FOXP1: variants seen among roughly 807,000 people sequenced by gnomAD.
The protein encoded by FOXP1 is forkhead box protein P1.
FOXP1 carries 15 observed loss-of-function variants against 98.2 expected under a neutral mutation model. That is an observed-to-expected ratio of 0.15 (90% CI 0.10 to 0.24). The LOEUF is 0.24. Ranked by LOEUF, FOXP1 falls within the 10% of genes least tolerant of loss-of-function variation. FOXP1 has a pLI of 1.00. For synonymous variants in FOXP1, 371 were observed against 314.5 expected (o/e 1.18, Z -1.90); for missense variants, 633 against 848.5 (o/e 0.75, Z 3.15).
intron 11 of FOXP1, among the ~76,000 whole-genome samples, chr3:71,034,031 G>C (rs1429026765): frequency 6.6e-6 from 1 of 151,986 alleles, no homozygotes; most frequent in Non-Finnish European, 1.5e-5. Context: ...AGCCACACCT[G>C]GTCCTCTTTC....
intron 4 of FOXP1, chr3:71,335,104 T>A (rs1234123387): frequency 1.3e-5 from 2 of 151,788 alleles, no homozygotes; most frequent in Non-Finnish European, 2.9e-5. Context: ...TACAAAAAAA[T>A]TAAATTAAAT....
At position 71,312,633 on chromosome 3, in the gene FOXP1, G is replaced by A. The variant is rs2074772946; in HGVS notation, c.-72-12753C>T. 2.6e-5 allele frequency among the ~76,000 whole-genome samples: 4 copies of A among 152,254 alleles called. No individual in the cohort carries two copies. In the South Asian group the frequency reaches 8.3e-4, roughly 31 times the overall value. On this transcript the variant is annotated intron_variant, in intron 4 of 20. Transcript: ENST00000649528. ...GAGCCCAGGAATTCAAGGCTGCAGT[G>A]AGCTAGCATGGTGCTGCCGCACAAT...
chr3:71,236,992 G>T (rs1446434250), intron 5 of FOXP1, among the ~76,000 whole-genome samples: 1 of 151,716 alleles, frequency 6.6e-6, no homozygotes, highest in African/African-American at 2.4e-5. Flanking sequence ...CCAGCACTTT[G>T]AAAGGCCGAG....
intron 5 of FOXP1, among the ~76,000 whole-genome samples, chr3:71,226,845 T>C (rs532879239): frequency 5.3e-5 from 8 of 152,240 alleles, no homozygotes; most frequent in East Asian, 1.9e-4. Context: ...CTAAGTGCGC[T>C]GTTCACCGGC....
intron 14 of FOXP1, among the ~76,000 whole-genome samples, chr3:70,981,480 A>T (rs1051208823): frequency 2.0e-5 from 3 of 152,216 alleles, no homozygotes; most frequent in Non-Finnish European, 4.4e-5. Flanking sequence ...TCTAATTAGG[A>T]GACGCGGATG....
At chr3:71,455,519 G>A (rs2087395220) in intron 3 of FOXP1, among the ~76,000 whole-genome samples, 1 of 152,126 alleles carries the variant, frequency 6.6e-6, no homozygotes, top group Admixed American at 6.6e-5. Flanking sequence ...GACTGCTTTT[G>A]ATACAAACTG....
chr3:71,403,507 C>T (rs1027395815), intron 3 of FOXP1, among the ~76,000 whole-genome samples: 1 of 152,208 alleles, frequency 6.6e-6, no homozygotes, highest in Admixed American at 6.5e-5. Context: ...CGTGCATGCA[C>T]GCGTGCCTCA....
chr3:71,083,913 A>G (rs1264874810), intron 7 of FOXP1, among the ~76,000 whole-genome samples: 2 of 152,192 alleles, frequency 1.3e-5, no homozygotes, highest in Non-Finnish European at 2.9e-5. Context: ...TCCTTCCACA[A>G]GAAGATTAGG....
chr3:71,241,348 C>T (rs879910562), intron 5 of FOXP1, among the ~76,000 whole-genome samples: 3 of 152,086 alleles, frequency 2.0e-5, no homozygotes, highest in Non-Finnish European at 4.4e-5. Context: ...GGGGGAAAAG[C>T]CATCATTTTA....
intron 6 of FOXP1, among the ~76,000 whole-genome samples, chr3:71,134,145 ATCTTGTT>A (rs1416477627): frequency 6.6e-6 from 1 of 152,190 alleles, no homozygotes; most frequent in Non-Finnish European, 1.5e-5. Flanking sequence ...GGCTTTCAGT[ATCTTGTT>A]TCTTTGTTGC....
chr3:71,514,089 A>G (rs910303190), intron 2 of FOXP1, among the ~76,000 whole-genome samples: 4 of 152,226 alleles, frequency 2.6e-5, no homozygotes, highest in African/African-American at 7.2e-5. Context: ...TGACAAAGGC[A>G]AGTCCTTTAA....
intron 2 of FOXP1, among the ~76,000 whole-genome samples, chr3:71,526,803 A>C (rs1456936025): frequency 6.6e-6 from 1 of 152,098 alleles, no homozygotes; most frequent in African/African-American, 2.4e-5. Context: ...CCCCATCTCT[A>C]CTAAAAATAC....
intron 5 of FOXP1, among the ~76,000 whole-genome samples, chr3:71,263,383 G>T (rs2069344574): frequency 1.3e-5 from 2 of 152,210 alleles, no homozygotes; most frequent in Non-Finnish European, 2.9e-5. Context: ...GGGGAATTGG[G>T]TTTTTATTGT....
chr3:71,338,602 G>C (rs575449362), intron 4 of FOXP1, among the ~76,000 whole-genome samples: 1 of 152,058 alleles, frequency 6.6e-6, no homozygotes, highest in Non-Finnish European at 1.5e-5. Context: ...TAATTTTTTT[G>C]TATTTTTCGT....
At chr3:71,395,753 C>T (rs2081333755) in intron 3 of FOXP1, among the ~76,000 whole-genome samples, 1 of 152,056 alleles carries the variant, frequency 6.6e-6, no homozygotes, top group African/African-American at 2.4e-5. Flanking sequence ...TAAATAATTG[C>T]TAAATGAATG....
At chr3:71,309,388 C>CTT (rs2074530713) in intron 4 of FOXP1, among the ~76,000 whole-genome samples, 1 of 145,056 alleles carries the variant, frequency 6.9e-6, no homozygotes. Context: ...AAGTTTATAA[C>CTT]GTAATTTTTT....
At chr3:71,125,204 G>A (rs1007527728) in intron 6 of FOXP1, among the ~76,000 whole-genome samples, 1 of 152,148 alleles carries the variant, frequency 6.6e-6, no homozygotes, top group Admixed American at 6.5e-5. Flanking sequence ...TGAAGAAAAT[G>A]GTAACTAACA....
chr3:71,177,448 G>A (rs2062007798), intron 6 of FOXP1, among the ~76,000 whole-genome samples: 1 of 152,178 alleles, frequency 6.6e-6, no homozygotes, highest in African/African-American at 2.4e-5. Flanking sequence ...GAAACTCAAT[G>A]GGGAAGGAGA....
chr3:71,374,652 A>C (rs753216146), intron 3 of FOXP1, among the ~76,000 whole-genome samples: 3 of 152,148 alleles, frequency 2.0e-5, no homozygotes, highest in Admixed American at 6.5e-5. Flanking sequence ...GAGTATATGA[A>C]CCCCAAAGCT....
Sources: gnomAD v4.1 joint callset for allele counts (sites outside exome capture counted in the v4.1 genomes callset) on GRCh38, gnomAD v4.1.1 for gene constraint, MANE v1.5 for transcripts, NCBI Gene and HGNC (gene_info 2026-07-23, HGNC 2026-07-21) for gene names.